ZFYVE16: variants seen among roughly 807,000 people sequenced by gnomAD.
ZFYVE16 encodes zinc finger FYVE domain-containing protein 16.
A neutral mutation model predicts 138.1 loss-of-function variants in ZFYVE16; 89 were observed. That is an observed-to-expected ratio of 0.64 (90% CI 0.54 to 0.77). The LOEUF is 0.77. Among genes scored for constraint, ZFYVE16 ranks in the 30% least tolerant of loss-of-function variants. ZFYVE16 has a pLI of 0.00. For synonymous variants in ZFYVE16, 596 were observed against 618.3 expected (o/e 0.96, Z 0.53); for missense variants, 1,793 against 1,786.7 (o/e 1.00, Z -0.06).
rs1343836884 is a variant in ZFYVE16, at chr5:80,445,298, G to A, written c.2617G>A (p.Ala873Thr). The change falls in exon 7 of 19, where the codon GCA (alanine) becomes ACA (threonine). Residue 873 changes from alanine to threonine, a missense_variant. This residue lies in a region of ZFYVE16 where 1,295 missense variants were observed against 1,204.3 expected (regional missense o/e 1.08). Coordinates refer to ENST00000505560, the MANE Select transcript of ZFYVE16 (RefSeq NM_001284236.3). ...CAAAGAACAGAAGAGAGTATGGTTTGCAGATGGTATATTGCCCAATGGTGA... is the reference window on the plus strand; with the variant it reads ...CAAAGAACAGAAGAGAGTATGGTTTACAGATGGTATATTGCCCAATGGTGA... ...CSKEQKRVWF[A>T]DGILPNGEVA... The A allele has an allele frequency of 1.2e-6, 2 of 1,613,912 alleles. No homozygotes were observed. Among genetic ancestry groups the A allele is most frequent in the Non-Finnish European group, 1.7e-6 (2 of 1,179,918 alleles).
At chr5:80,425,856 C>T (rs1318186928) in intron 1 of ZFYVE16, among the ~76,000 whole-genome samples, 25 of 152,084 alleles carry the variant, frequency 1.6e-4, no homozygotes, top group East Asian at 5.8e-4. Context: ...TAAAGTTCCC[C>T]GTAAACCTTT....
Position 80,450,549 on chromosome 5 carries a change from C to T in ZFYVE16, c.3345C>T (p.Phe1115=). ...AAGATACTATTCCTAAGGACATCTT[C>T]AGACTATTTATCACCATATATAAGG... ...PNEDTIPKDI[F]RLFITIYKDA... The change falls in exon 10 of 19, where the codon TTC becomes TTT. Residue 1115 remains phenylalanine (F), a synonymous_variant. Coordinates refer to ENST00000505560, the MANE Select transcript of ZFYVE16 (RefSeq NM_001284236.3). The T allele has an allele frequency of 6.2e-7, 1 of 1,613,576 alleles. No homozygotes were observed. Among genetic ancestry groups the T allele is most frequent in the East Asian group, 2.2e-5 (1 of 44,740 alleles).
At chr5:80,429,124 G>C (rs185540468) in intron 2 of ZFYVE16, among the ~76,000 whole-genome samples, 3 of 152,088 alleles carry the variant, frequency 2.0e-5, no homozygotes, top group African/African-American at 4.8e-5. Context: ...GATACTCCTC[G>C]AGAAGAGCAA....
rs767013016 is a variant in ZFYVE16 at position 80,448,188 on chromosome 5, G to T, written c.2887G>T (p.Gly963Cys). 3.1e-6 allele frequency: 5 copies of T among 1,613,842 alleles called. No individual in the cohort carries two copies. The South Asian group carries it at 5.5e-5, about 18-fold the overall frequency. ...NTGNEGLPTS[G>C]SFTLDDDVFA... Reference sequence around the variant, plus strand: ...AGGAAATGAGGGGTTACCTACTTCTGGTTCATTTACACTAGATGATGATGT... The same window carrying T: ...AGGAAATGAGGGGTTACCTACTTCTTGTTCATTTACACTAGATGATGATGT... The change falls in exon 8 of 19, where the codon GGT becomes TGT. Residue 963 changes from glycine (G) to cysteine (C), a missense_variant. Physicochemically the swap from Gly to Cys is radical, Grantham distance 159 (BLOSUM62 -3). Coordinates refer to ENST00000505560, the MANE Select transcript of ZFYVE16 (RefSeq NM_001284236.3).
At chr5:80,477,120 G>A (rs1754989353) in intron 18 of ZFYVE16, 99 bp from the exon 19 acceptor site, 19 of 1,001,500 alleles carry the variant, frequency 1.9e-5, no homozygotes, top group Non-Finnish European at 2.7e-5. Context: ...TATTTAACAT[G>A]CTTGAACTGT....
At chr5:80,450,381 T>G (rs776359943) in intron 9 of ZFYVE16, 50 bp from the exon 10 acceptor site, 3 of 1,562,892 alleles carry the variant, frequency 1.9e-6, no homozygotes, top group Admixed American at 3.7e-5. Context: ...TTCTTAGTTT[T>G]TTGACTAATA....
Position 80,418,938 on chromosome 5 carries a change from A to G in ZFYVE16, c.-93-8554A>G, listed in dbSNP as rs2112195728. 2.0e-5 allele frequency among the ~76,000 whole-genome samples: 3 copies of G among 152,238 alleles called. 1 individual carries two copies. Among genetic ancestry groups the G allele is most frequent in the Admixed American group, 2.0e-4 (3 of 15,290 alleles). On this transcript the variant is annotated intron_variant, in intron 1 of 18. Transcript: ENST00000505560. ...CCCACTTTGAATATGTTTTTATATA[A>G]GGTGTAATGTCTGTGTCTAGGTTCA...
chr5:80,478,057 T>C lies in ZFYVE16; in HGVS notation c.*680T>C, dbSNP rs1372643571. The C allele has an allele frequency of 1.3e-5, 2 of 152,250 alleles. No homozygotes were observed. The highest frequency in any genetic ancestry group is 3.9e-4 in the East Asian group (2 of 5,190). The allele number at this position is 152,250 out of a possible 1,614,324, so 9.4% of individuals were successfully genotyped here. ...ATAATTGCGGGTGCTTCAGGACTTT[T>C]TGCTTCTATATTTAAGTATATTGTT... On this transcript the variant is annotated 3_prime_UTR_variant, in exon 19 of 19. Coordinates refer to ENST00000505560, the MANE Select transcript of ZFYVE16 (RefSeq NM_001284236.3).
chr5:80,436,723 A>G, intron 3 of ZFYVE16, 33 bp from the exon 4 acceptor site: 1 of 1,522,850 alleles, frequency 6.6e-7, no homozygotes, highest in Non-Finnish European at 8.9e-7. Flanking sequence ...ATTTGATTTA[A>G]GTCTCCCGAA....
At chr5:80,407,762 G>C (rs1431778793), upstream of ZFYVE16, among the ~76,000 whole-genome samples, 1 of 152,192 alleles carries the variant, frequency 6.6e-6, no homozygotes. Flanking sequence ...AAGGGTAAAG[G>C]AAGTCAGACA....
At chr5:80,428,261 C>G (rs1329454374) in intron 2 of ZFYVE16, among the ~76,000 whole-genome samples, 2 of 152,154 alleles carry the variant, frequency 1.3e-5, no homozygotes, top group Non-Finnish European at 2.9e-5. Flanking sequence ...GACGAAACTT[C>G]CAGAGGAATG....
At chr5:80,419,915 G>A (rs1580107492) in intron 1 of ZFYVE16, among the ~76,000 whole-genome samples, 2 of 151,660 alleles carry the variant, frequency 1.3e-5, no homozygotes, top group South Asian at 2.1e-4. Flanking sequence ...GGGTTCAAGC[G>A]ATTCTCCTGC....
At chr5:80,453,810 A>T (rs1752231195) in intron 11 of ZFYVE16, among the ~76,000 whole-genome samples, 1 of 152,242 alleles carries the variant, frequency 6.6e-6, no homozygotes, top group South Asian at 2.1e-4. Context: ...AACTGTCTCA[A>T]ATTAGTAATT....
chr5:80,460,269 T>A (rs966179349), intron 15 of ZFYVE16, among the ~76,000 whole-genome samples: 2 of 152,180 alleles, frequency 1.3e-5, no homozygotes, highest in Non-Finnish European at 2.9e-5. Flanking sequence ...TGGACATGCA[T>A]GTTGCCTCTT....
intron 1 of ZFYVE16, among the ~76,000 whole-genome samples, chr5:80,426,376 C>A (rs1341003289): frequency 2.0e-5 from 3 of 151,696 alleles, no homozygotes; most frequent in Non-Finnish European, 4.4e-5. Context: ...TGGTTTGCTG[C>A]ACCTGTCAAC....
intron 2 of ZFYVE16, among the ~76,000 whole-genome samples, chr5:80,430,640 GA>G (rs1748862015): frequency 6.6e-6 from 1 of 152,044 alleles, no homozygotes; most frequent in Non-Finnish European, 1.5e-5. Context: ...AAAAATCAAT[GA>G]ATCCAGGAGC....
chr5:80,448,927 A>G (rs111465947), intron 8 of ZFYVE16, among the ~76,000 whole-genome samples: 2,600 of 152,154 alleles, frequency 0.017, 71 homozygotes, highest in African/African-American at 0.058. Context: ...AGTGGTTTCT[A>G]GGATAGACAC....
chr5:80,430,665 A>G (rs11949559), intron 2 of ZFYVE16, among the ~76,000 whole-genome samples: 26 of 151,788 alleles, frequency 1.7e-4, no homozygotes, highest in Non-Finnish European at 3.1e-4. Flanking sequence ...TTTTTTGAAA[A>G]GATCAACAAA....
chr5:80,418,198 CT>C (rs1178807559), intron 1 of ZFYVE16, among the ~76,000 whole-genome samples: 1 of 149,622 alleles, frequency 6.7e-6, no homozygotes, highest in Non-Finnish European at 1.5e-5. Context: ...TTCCTTTCCC[CT>C]CTTCTCTCCT....
Sources: allele counts gnomAD v4.1 joint callset (sites outside exome capture counted in the v4.1 genomes callset), GRCh38; gene constraint gnomAD v4.1.1; regional missense constraint gnomAD v4.1.1; transcripts MANE v1.5; gene names NCBI Gene and HGNC (gene_info 2026-07-23, HGNC 2026-07-21).